The following CAMTA1 variants were observed in gnomAD, a reference collection of about 807,000 sequenced individuals.
The protein encoded by CAMTA1 is calmodulin binding transcription activator 1.
Under a neutral mutation model 170.9 loss-of-function variants are expected in CAMTA1, and 27 were observed. The observed-to-expected ratio is 0.16, with a 90% CI of 0.12 to 0.22. The LOEUF is 0.22. CAMTA1 is among the 10% of genes least tolerant of loss of function. The probability of loss-of-function intolerance (pLI) is 1.00; values close to 1 mark genes in which losing one functional copy is unlikely to be tolerated. For synonymous variants in CAMTA1, 833 were observed against 891.5 expected (o/e 0.93, Z 1.17); for missense variants, 1,619 against 2,217.2 (o/e 0.73, Z 5.42).
intron 5 of CAMTA1, among the ~76,000 whole-genome samples, chr1:7,386,311 C>G (rs1264838189): frequency 6.6e-6 from 1 of 152,232 alleles, no homozygotes; most frequent in African/African-American, 2.4e-5. Flanking sequence ...CCTGACTCAT[C>G]ATGAGCAGCC....
chr1:6,819,882 T>G (rs1361048680), intron 1 of CAMTA1, among the ~76,000 whole-genome samples: 6 of 152,226 alleles, frequency 3.9e-5, no homozygotes, highest in Non-Finnish European at 8.8e-5. Flanking sequence ...TGTTGCTGTT[T>G]GCCAGTTGAT....
chr1:7,512,779 C>A (rs184945153), intron 6 of CAMTA1, among the ~76,000 whole-genome samples: 4 of 152,294 alleles, frequency 2.6e-5, no homozygotes, highest in African/African-American at 7.2e-5. Flanking sequence ...GCAGGACAAG[C>A]CCCTGAGAAG....
chr1:7,680,855 CGCGCGCCAGCAGCAG>C lies in CAMTA1; in HGVS notation c.2914+3123_2914+3137del. ...GGCGCAGAGAACACGCGCGCGCGCGCGCGCGCCAGCAGCAGCAGCAGCAGCAGCTGCTGCGGCGAA... is the reference window on the plus strand; with the variant it reads ...GGCGCAGAGAACACGCGCGCGCGCGCCAGCAGCAGCAGCTGCTGCGGCGAA... On this transcript the variant is annotated intron_variant, in intron 11 of 22. Transcript: ENST00000303635. The surrounding 1 kb of genome is among the most constrained non-coding windows in gnomAD (Gnocchi z 4.4). 1.1e-5 allele frequency among the ~76,000 whole-genome samples: 1 copy of C among 87,856 alleles called. No homozygotes were observed. The allele number at this position is 87,856 out of a possible 152,430, so 57.6% of individuals were successfully genotyped here.
At chr1:7,042,445 G>A (rs1171578158) in intron 3 of CAMTA1, among the ~76,000 whole-genome samples, 2 of 152,208 alleles carry the variant, frequency 1.3e-5, no homozygotes, top group African/African-American at 4.8e-5. Flanking sequence ...GTTCAGCCCT[G>A]GAGCAGCTGG....
Position 7,768,113 on chromosome 1 carries a change from T to A in CAMTA1, c.*1622T>A, listed in dbSNP as rs1227746568. On this transcript the variant is annotated 3_prime_UTR_variant, in exon 23 of 23. Coordinates refer to ENST00000303635, the MANE Select transcript of CAMTA1 (RefSeq NM_015215.4). Reference sequence around the variant, plus strand: ...CTCCAACAAAGAACACTTAGAATGATAAAAAAAAAAAAAAAAAACCTGACA... The same window carrying A: ...CTCCAACAAAGAACACTTAGAATGAAAAAAAAAAAAAAAAAAAACCTGACA... The A allele has an allele frequency of 1.8e-4, 25 of 136,208 alleles. No individual in the cohort carries two copies. The highest frequency in any genetic ancestry group is 2.7e-4 in the Non-Finnish European group (17 of 63,578). 8.4% of individuals were successfully genotyped at this position (136,208 alleles called of 1,614,324 possible). A position where few individuals can be genotyped will look rare whatever the true frequency, so the allele number is the denominator to read the frequency against.
At chr1:6,881,091 T>C (rs1424566563) in intron 3 of CAMTA1, among the ~76,000 whole-genome samples, 3 of 152,198 alleles carry the variant, frequency 2.0e-5, no homozygotes, top group Non-Finnish European at 2.9e-5. Context: ...ATTAACTTGC[T>C]CAGTGTCACA....
intron 6 of CAMTA1, among the ~76,000 whole-genome samples, chr1:7,550,583 C>T (rs2094785790): frequency 6.6e-6 from 1 of 151,448 alleles, no homozygotes; most frequent in Non-Finnish European, 1.5e-5. Context: ...TCCTACCTGA[C>T]CCTCTTTAAC....
intron 5 of CAMTA1, among the ~76,000 whole-genome samples, chr1:7,375,867 G>A (rs1249900089): frequency 6.6e-6 from 1 of 152,238 alleles, no homozygotes. Flanking sequence ...TGTCAACAGA[G>A]ACAGGGTGGA....
Position 7,417,142 on chromosome 1 carries a change from G to T in CAMTA1, c.439-50688G>T, listed in dbSNP as rs562744562. ...GCCTGATCGTTCCTCTGGAAGTTTT[G>T]TCTCAGAGGAGTACCCGGCCGTGTG... On this transcript the variant is annotated intron_variant, in intron 5 of 22. Transcript: ENST00000303635. Among the ~76,000 whole-genome samples the T allele has an allele frequency of 3.5e-3, 530 of 152,366 alleles. 1 individual carries two copies. Among genetic ancestry groups the T allele is most frequent in the African/African-American group, 0.012 (508 of 41,584 alleles).
At chr1:7,678,474 G>C (rs1175556018) in intron 11 of CAMTA1, among the ~76,000 whole-genome samples, 1 of 152,210 alleles carries the variant, frequency 6.6e-6, no homozygotes, top group Admixed American at 6.5e-5. Context: ...CTTGGCCATG[G>C]GGGTCGGTGA....
chr1:7,315,637 G>T (rs1416581485), intron 5 of CAMTA1, among the ~76,000 whole-genome samples: 1 of 152,138 alleles, frequency 6.6e-6, no homozygotes, highest in Non-Finnish European at 1.5e-5. Context: ...TTGCAAACTG[G>T]GTAGCCAGAA....
At chr1:7,271,149 G>A (rs771183901) in intron 5 of CAMTA1, among the ~76,000 whole-genome samples, 1 of 152,088 alleles carries the variant, frequency 6.6e-6, no homozygotes, top group Non-Finnish European at 1.5e-5. Context: ...GAGGTCATAG[G>A]GATGTACCCT....
chr1:7,423,469 CAAA>C (rs1016382434), intron 5 of CAMTA1, among the ~76,000 whole-genome samples: 3 of 47,896 alleles, frequency 6.3e-5, no homozygotes, highest in Non-Finnish European at 4.8e-5. Context: ...AACTCCATCT[CAAA>C]AAAAAAAAAA....
intron 3 of CAMTA1, among the ~76,000 whole-genome samples, chr1:6,856,411 T>TA (rs1167707467): frequency 6.6e-6 from 1 of 151,992 alleles, no homozygotes; most frequent in Non-Finnish European, 1.5e-5. Flanking sequence ...ATGTGTTTGT[T>TA]ACGAGATACA....
intron 4 of CAMTA1, among the ~76,000 whole-genome samples, chr1:7,188,037 A>G (rs1398753226): frequency 1.3e-5 from 2 of 152,220 alleles, no homozygotes; most frequent in Non-Finnish European, 2.9e-5. Flanking sequence ...CTAAGGGGAA[A>G]CAGGCACCTT....
intron 7 of CAMTA1, among the ~76,000 whole-genome samples, chr1:7,655,474 T>TAC (rs1371275713): frequency 1.3e-5 from 1 of 75,738 alleles, no homozygotes; most frequent in African/African-American, 6.8e-5. Context: ...CACACCCACC[T>TAC]ATACAAACAC....
Position 7,732,641 on chromosome 1 carries a change from GTT to G in CAMTA1, c.3066+44_3066+45del, listed in dbSNP as rs756358932. ...ATGCTCAGCTCCCATTTCGCTTCAT[GTT>G]TATGGATTGGCGAGGCAGTGGATGG... On this transcript the variant is annotated intron_variant, in intron 12 of 22. Coordinates refer to ENST00000303635, the MANE Select transcript of CAMTA1 (RefSeq NM_015215.4). The surrounding 1 kb of genome is among the most constrained non-coding windows in gnomAD (Gnocchi z 4.1). 6.2e-5 allele frequency: 94 copies of G among 1,526,360 alleles called. No homozygotes were observed. The African/African-American group carries it at 1.1e-3, about 19-fold the overall frequency. 94.6% of individuals were successfully genotyped at this position (1,526,360 alleles called of 1,614,324 possible).
chr1:7,167,063 G>A (rs4908444), intron 4 of CAMTA1, among the ~76,000 whole-genome samples: 49,097 of 151,656 alleles, frequency 0.32, 8,066 homozygotes, highest in African/African-American at 0.35. Context: ...CACCTGCCTC[G>A]GCCTCCCAAA....
intron 3 of CAMTA1, among the ~76,000 whole-genome samples, chr1:6,893,261 G>A (rs998176167): frequency 6.6e-5 from 10 of 151,910 alleles, no homozygotes; most frequent in African/African-American, 1.9e-4. Flanking sequence ...ACTCCATCTC[G>A]AGGAAAAAAA....
Sources: allele counts gnomAD v4.1 joint callset (sites outside exome capture counted in the v4.1 genomes callset), GRCh38; gene constraint gnomAD v4.1.1; non-coding constraint Gnocchi (gnomAD v3.1); transcripts MANE v1.5; gene names NCBI Gene and HGNC (gene_info 2026-07-23, HGNC 2026-07-21).